The following GRIP2 variants were observed in gnomAD, a reference collection of about 807,000 sequenced individuals.
The protein encoded by GRIP2 is glutamate receptor-interacting protein 2.
Under a neutral mutation model 108.3 loss-of-function variants are expected in GRIP2, and 58 were observed. The ratio of observed to expected loss-of-function variants is 0.54; its 90% confidence interval spans 0.43 to 0.67. GRIP2 has a LOEUF of 0.67. Among genes scored for constraint, GRIP2 ranks in the 30% least tolerant of loss-of-function variants. The pLI is 0.00. For synonymous variants in GRIP2, 586 were observed against 598.2 expected, an observed-to-expected ratio of 0.98 and a Z score of 0.30; for missense variants, 1,278 against 1,430.6, an observed-to-expected ratio of 0.89 and a Z score of 1.72.
intron 1 of GRIP2, among the ~76,000 whole-genome samples, chr3:14,526,318 C>A (rs143750789): frequency 3.0e-4 from 46 of 152,350 alleles, no homozygotes; most frequent in African/African-American, 1.0e-3. Context: ...GTTGTGCAAT[C>A]TGCATTAGAA....
intron 19 of GRIP2, 33 bp downstream of exon 19, chr3:14,506,768 C>T (rs779748681): frequency 1.7e-5 from 26 of 1,540,110 alleles, no homozygotes; most frequent in South Asian, 4.9e-5. Flanking sequence ...CTAGAGAGAG[C>T]GTGCCACTTG....
chr3:14,505,567 C>G lies in GRIP2; in HGVS notation c.2573+48G>C. ...GCACAGGCACCCTCGCCCACCCCAG[C>G]CAAGACACTGTGACTCCCTCCTCCT... On this transcript the variant is annotated intron_variant, in intron 20 of 23. Transcript: ENST00000621039. This position sits in a 1 kb window ranked among gnomAD's most constrained non-coding sequence, Gnocchi z 4.2. The G allele has an allele frequency of 6.3e-7, 1 of 1,577,330 alleles. No individual in the cohort carries two copies. The highest frequency in any genetic ancestry group is 8.6e-7 in the Non-Finnish European group (1 of 1,160,968).
chr3:14,602,497 C>T, the GRIP2 span, among the ~76,000 whole-genome samples: 1 of 152,138 alleles, frequency 6.6e-6, no homozygotes, highest in Non-Finnish European at 1.5e-5. The surrounding 1 kb of genome is among the most constrained non-coding windows in gnomAD (Gnocchi z 4.7). Context: ...AGCGCGGCCA[C>T]CTCCCGACAC....
At chr3:14,571,846 G>A in the GRIP2 span, among the ~76,000 whole-genome samples, 1 of 152,148 alleles carries the variant, frequency 6.6e-6, no homozygotes, top group African/African-American at 2.4e-5. Context: ...AGAATCCCCT[G>A]GGAAGCTTGA....
intron 1 of GRIP2, among the ~76,000 whole-genome samples, chr3:14,538,311 A>G (rs751742424): frequency 6.6e-6 from 1 of 152,122 alleles, no homozygotes; most frequent in Non-Finnish European, 1.5e-5. Flanking sequence ...GCGATCCATC[A>G]GGGGTGGGCA....
At chr3:14,598,661 TC>T in the GRIP2 span, among the ~76,000 whole-genome samples, 2 of 150,738 alleles carry the variant, frequency 1.3e-5, no homozygotes, top group Non-Finnish European at 3.0e-5. Flanking sequence ...CTTCAAGGGC[TC>T]CCATCACAAT....
chr3:14,546,400 C>A (rs1271725549), upstream of GRIP2, among the ~76,000 whole-genome samples: 3 of 152,072 alleles, frequency 2.0e-5, no homozygotes, highest in East Asian at 5.8e-4. Context: ...GAGTGGGCTG[C>A]AAGGGTCAGG....
At chr3:14,520,670 T>C in intron 7 of GRIP2, 133 bp from the exon 8 acceptor site, 1 of 876,076 alleles carries the variant, frequency 1.1e-6, no homozygotes, top group South Asian at 1.8e-5. Flanking sequence ...CATAATTTTT[T>C]ATTCCTTTTC....
Position 14,525,836 on chromosome 3 carries a change from G to C in GRIP2, c.121+15C>G, listed in dbSNP as rs372133824. 3.2e-6 allele frequency: 5 copies of C among 1,554,174 alleles called. No homozygotes were observed. The African/African-American group carries it at 6.8e-5, about 21-fold the overall frequency. On this transcript the variant is annotated intron_variant, in intron 2 of 23. Transcript: ENST00000621039. ...TCCAGGGCAGAAAAAGAGGGAATGAGGGAAGCCTCATTACCTGGAATGCTC... is the reference window on the plus strand; with the variant it reads ...TCCAGGGCAGAAAAAGAGGGAATGACGGAAGCCTCATTACCTGGAATGCTC...
At chr3:14,571,170 G>C in the GRIP2 span, among the ~76,000 whole-genome samples, 1 of 152,172 alleles carries the variant, frequency 6.6e-6, no homozygotes, top group African/African-American at 2.4e-5. Flanking sequence ...CTGTGTGTGT[G>C]AGAGAACGTG....
chr3:14,529,522 A>C (rs1173765443), intron 1 of GRIP2, among the ~76,000 whole-genome samples: 1 of 152,228 alleles, frequency 6.6e-6, no homozygotes, highest in Non-Finnish European at 1.5e-5. Flanking sequence ...CTTACAAAGT[A>C]ATACCATAAT....
At position 14,513,670 on chromosome 3, in the gene GRIP2, A is replaced by G; in HGVS notation, c.1634T>C (p.Val545Ala). The G allele has an allele frequency of 6.2e-7, 1 of 1,609,300 alleles. No homozygotes were observed. The highest frequency in any genetic ancestry group is 1.1e-5 in the South Asian group (1 of 89,864). The change falls in exon 13 of 24, where the codon GTG becomes GCG. Residue 545 changes from valine to alanine, a missense_variant. Transcript: ENST00000621039. ...AGCTTGGGCCACTCACTCACCCGCC[A>G]CATCGAACTCCACCTCCAGCACGAC... is the stretch of plus-strand genomic sequence containing the variant. ...HKVVLEVEFD[V>A]AESVIPSSGT...
Position 14,550,531 on chromosome 3 carries a change from T to C in GRIP2, c.55+5369A>G, listed in dbSNP as rs1695130074. Among the ~76,000 whole-genome samples, 3 of 152,302 alleles carry C rather than the reference T, an allele frequency of 2.0e-5. No individual in the cohort carries two copies. The South Asian group carries it at 6.2e-4, about 32-fold the overall frequency. ...TCCCCGCAGCGGCACCGCTGGTGCC[T>C]CAGAGGGGCCCTGAGTTCAACTCCT... is the stretch of plus-strand genomic sequence containing the variant. On this transcript the variant is annotated intron_variant, in intron 1 of 23. Transcript: ENST00000637182.
chr3:14,550,995 C>T (rs1695137808), intron 1 of GRIP2, among the ~76,000 whole-genome samples: 1 of 152,152 alleles, frequency 6.6e-6, no homozygotes. Flanking sequence ...ACCAGAGAGC[C>T]AAGGTTGGCC....
chr3:14,542,019 C>G, upstream of GRIP2: 1 of 1,353,102 alleles, frequency 7.4e-7, no homozygotes, highest in Non-Finnish European at 9.9e-7. Flanking sequence ...CTAACAGATC[C>G]TCACCCCACT....
chr3:14,559,894 G>A (rs1218727817), upstream of GRIP2, among the ~76,000 whole-genome samples: 1 of 152,156 alleles, frequency 6.6e-6, no homozygotes, highest in Non-Finnish European at 1.5e-5. Context: ...CATAACTCCA[G>A]CCCCATCCCT....
intron 13 of GRIP2, 101 bp downstream of exon 13, chr3:14,513,564 G>A: frequency 7.0e-7 from 1 of 1,418,850 alleles, no homozygotes; most frequent in Non-Finnish European, 9.5e-7. Context: ...ACTGGGCACA[G>A]AGGGGGATGG....
chr3:14,588,794 A>T, the GRIP2 span, among the ~76,000 whole-genome samples: 1 of 152,216 alleles, frequency 6.6e-6, no homozygotes, highest in Non-Finnish European at 1.5e-5. Flanking sequence ...ATTTGGTTGA[A>T]AAGTGGTTGT....
At chr3:14,598,400 A>G in the GRIP2 span, among the ~76,000 whole-genome samples, 8 of 151,992 alleles carry the variant, frequency 5.3e-5, no homozygotes, top group Non-Finnish European at 1.0e-4. Context: ...TTAACAGTCC[A>G]TAACTGCAGA....
Sources: allele counts gnomAD v4.1 joint callset (sites outside exome capture counted in the v4.1 genomes callset), GRCh38; gene constraint gnomAD v4.1.1; non-coding constraint Gnocchi (gnomAD v3.1); transcripts MANE v1.5; gene names NCBI Gene and HGNC (gene_info 2026-07-23, HGNC 2026-07-21).